The following NTRK3 variants were observed in gnomAD, a reference collection of about 807,000 sequenced individuals.
NTRK3 encodes neurotrophic receptor tyrosine kinase 3.
A neutral mutation model predicts 91.7 loss-of-function variants in NTRK3; 24 were observed. That is an observed-to-expected ratio of 0.26 (90% CI 0.19 to 0.37). NTRK3 has a LOEUF of 0.37. NTRK3 is among the 10% of genes least tolerant of loss of function. NTRK3 has a pLI of 1.00. For missense variants in NTRK3, 880 were observed against 1,068.9 expected (o/e 0.82, Z 2.46); for synonymous variants, 483 against 404.0 (o/e 1.20, Z -2.34).
rs1466954306 is a variant in NTRK3, at chr15:88,235,089, C to T, written c.248+20817G>A. On this transcript the variant is annotated intron_variant, in intron 3 of 18. Coordinates refer to ENST00000394480, the Ensembl canonical transcript of NTRK3. The surrounding 1 kb of genome is among the most constrained non-coding windows in gnomAD (Gnocchi z 5.2). ...CCTTACACAAAGGCAGCCTCCTCAC[C>T]TCCCCATCATGCCTCATAACAGAGC... 6.6e-6 allele frequency among the ~76,000 whole-genome samples: 1 copy of T among 152,204 alleles called. No individual in the cohort carries two copies. Among genetic ancestry groups the T allele is most frequent in the African/African-American group, 2.4e-5 (1 of 41,454 alleles).
At chr15:87,996,028 G>A (rs1389653606) in intron 14 of NTRK3, among the ~76,000 whole-genome samples, 1 of 152,112 alleles carries the variant, frequency 6.6e-6, no homozygotes, top group Non-Finnish European at 1.5e-5. Context: ...TGGATCACCT[G>A]AGGTCAGGAG....
At chr15:87,986,602 T>C (rs899171481) in intron 14 of NTRK3, among the ~76,000 whole-genome samples, 7 of 152,278 alleles carry the variant, frequency 4.6e-5, no homozygotes, top group African/African-American at 1.7e-4. Context: ...TCCATGTTGA[T>C]ACATGTAGCT....
In NTRK3 at chr15:87,883,329, T is replaced by A. The variant is rs149491440; in HGVS notation, c.2134-2901A>T. On this transcript the variant is annotated intron_variant, in intron 17 of 18. Transcript: ENST00000394480. ...ACCATTACGATGATGAAGTTTATGCTCCAATTAATATAGCAACAATATATA... is the reference window on the plus strand; with the variant it reads ...ACCATTACGATGATGAAGTTTATGCACCAATTAATATAGCAACAATATATA... Among the ~76,000 whole-genome samples the A allele has an allele frequency of 6.6e-3, 987 of 148,502 alleles. 18 individuals carry two copies. Among genetic ancestry groups the A allele is most frequent in the African/African-American group, 0.023 (960 of 41,016 alleles).
At chr15:87,970,259 G>GTC (rs1208141962) in intron 14 of NTRK3, among the ~76,000 whole-genome samples, 1 of 152,188 alleles carries the variant, frequency 6.6e-6, no homozygotes, top group Non-Finnish European at 1.5e-5. Flanking sequence ...TAATGCTGAG[G>GTC]TCTCAAGCTC....
At chr15:88,250,745 A>C (rs146109595) in intron 3 of NTRK3, among the ~76,000 whole-genome samples, 479 of 152,340 alleles carry the variant, frequency 3.1e-3, no homozygotes, top group African/African-American at 0.011. Context: ...TCCCAATCAC[A>C]AGAGCAGTGG....
chr15:87,966,191 C>T (rs1173295003), intron 14 of NTRK3, among the ~76,000 whole-genome samples: 1 of 152,254 alleles, frequency 6.6e-6, no homozygotes, highest in Non-Finnish European at 1.5e-5. Flanking sequence ...TAATTACTCA[C>T]TTATCTATAC....
rs35011403 is a variant in NTRK3, at chr15:87,886,676, C to CTATATATATATATATATA, written c.2134-6266_2134-6249dup. ...CCAAAGAGAAAAATCCCACTTTTTGCTATATATATATATATATATATATAC... is the reference window on the plus strand; with the variant it reads ...CCAAAGAGAAAAATCCCACTTTTTGCTATATATATATATATATATATATATATATATATATATATATAC... On this transcript the variant is annotated intron_variant, in intron 17 of 18. Coordinates refer to ENST00000394480, the Ensembl canonical transcript of NTRK3. Among the ~76,000 whole-genome samples, 464 of 101,074 alleles carry CTATATATATATATATATA rather than the reference C, an allele frequency of 4.6e-3. 12 individuals carry two copies. Among genetic ancestry groups the CTATATATATATATATATA allele is most frequent in the African/African-American group, 7.2e-3 (176 of 24,506 alleles). 66.3% of individuals were successfully genotyped at this position (101,074 alleles called of 152,430 possible).
chr15:87,878,906 GGTGTGTGTGTGTGTGTGT>G lies in NTRK3; in HGVS notation c.2292+1346_2292+1363del, dbSNP rs34029623. ...GGAGGCAGTGTTCAGGTGCATGCATGGTGTGTGTGTGTGTGTGTGTGTGTGTGTGTGTGTGTGTGTGTG... is the reference window on the plus strand; with the variant it reads ...GGAGGCAGTGTTCAGGTGCATGCATGGTGTGTGTGTGTGTGTGTGTGTGTG... On this transcript the variant is annotated intron_variant, in intron 18 of 18. Coordinates refer to ENST00000394480, the Ensembl canonical transcript of NTRK3. 5.9e-3 allele frequency among the ~76,000 whole-genome samples: 836 copies of G among 142,030 alleles called. 13 individuals carry two copies. Among genetic ancestry groups the G allele is most frequent in the East Asian group, 0.034 (157 of 4,684 alleles). 93.2% of individuals were successfully genotyped at this position (142,030 alleles called of 152,430 possible).
intron 10 of NTRK3, among the ~76,000 whole-genome samples, chr15:88,129,046 C>G (rs759220708): frequency 2.6e-5 from 4 of 152,210 alleles, no homozygotes; most frequent in Non-Finnish European, 4.4e-5. Context: ...CCCTCTGTCT[C>G]ATTCACAGCT....
intron 3 of NTRK3, among the ~76,000 whole-genome samples, chr15:88,212,289 G>A (rs2049323507): frequency 6.6e-6 from 1 of 152,196 alleles, no homozygotes; most frequent in Non-Finnish European, 1.5e-5. Context: ...AGAATGGAGT[G>A]AACCTGGGAG....
intron 14 of NTRK3, among the ~76,000 whole-genome samples, chr15:88,010,837 C>T (rs2141756337): frequency 6.6e-6 from 1 of 152,200 alleles, no homozygotes; most frequent in East Asian, 1.9e-4. Context: ...CTCACAGACA[C>T]ATCTCCGTGT....
intron 3 of NTRK3, among the ~76,000 whole-genome samples, chr15:88,190,310 C>T (rs2047286078): frequency 6.6e-6 from 1 of 152,106 alleles, no homozygotes; most frequent in African/African-American, 2.4e-5. Context: ...CTGGATGTTT[C>T]TTTTTTCCAC....
chr15:88,222,688 C>T (rs1231159663), intron 3 of NTRK3, among the ~76,000 whole-genome samples: 2 of 152,150 alleles, frequency 1.3e-5, no homozygotes, highest in African/African-American at 4.8e-5. Context: ...AAAACTGCCA[C>T]TTTCCTGGCA....
Position 88,172,380 on chromosome 15 carries a change from T to C in NTRK3, c.395+11038A>G, listed in dbSNP as rs187055810. 2.0e-5 allele frequency among the ~76,000 whole-genome samples: 3 copies of C among 152,116 alleles called. No individual in the cohort carries two copies. In the East Asian group the frequency reaches 5.8e-4, roughly 29 times the overall value. On this transcript the variant is annotated intron_variant, in intron 5 of 18. Transcript: ENST00000394480. ...AGAGATGTGAACAAATGGGAGGTAA[T>C]GAAGCCTTAGGGAAGAGGGGGAAAA...
At chr15:88,139,677 A>T (rs917877776) in intron 6 of NTRK3, among the ~76,000 whole-genome samples, 1 of 151,916 alleles carries the variant, frequency 6.6e-6, no homozygotes, top group Non-Finnish European at 1.5e-5. Flanking sequence ...GGAGATGGTC[A>T]GAACTGCAAG....
At chr15:87,911,633 C>A (rs191830738) in intron 17 of NTRK3, among the ~76,000 whole-genome samples, 3 of 152,314 alleles carry the variant, frequency 2.0e-5, no homozygotes, top group East Asian at 3.9e-4. Context: ...CATTGCAGAG[C>A]CCACTCATTG....
chr15:88,236,733 C>T (rs1263755529), intron 3 of NTRK3, among the ~76,000 whole-genome samples: 1 of 141,074 alleles, frequency 7.1e-6, no homozygotes, highest in African/African-American at 2.6e-5. Context: ...GCCCATGAAA[C>T]CAAAAACAAC....
At chr15:88,081,577 G>A (rs1315178358) in intron 13 of NTRK3, among the ~76,000 whole-genome samples, 2 of 152,192 alleles carry the variant, frequency 1.3e-5, no homozygotes, top group East Asian at 3.9e-4. Context: ...TCCTCTGTGT[G>A]CCTCCAACAC....
Position 88,207,156 on chromosome 15 carries a change from G to C in NTRK3, c.249-22857C>G, listed in dbSNP as rs1431039538. On this transcript the variant is annotated intron_variant, in intron 3 of 18. Coordinates refer to ENST00000394480, the Ensembl canonical transcript of NTRK3. Reference sequence around the variant, plus strand: ...TCGGGCCAGGAGCTCAATGGTATTTGTCAGGTTGCTTGACCCTAACAGGCT... The same window carrying C: ...TCGGGCCAGGAGCTCAATGGTATTTCTCAGGTTGCTTGACCCTAACAGGCT... Among the ~76,000 whole-genome samples the C allele has an allele frequency of 2.0e-5, 3 of 152,314 alleles. No individual in the cohort carries two copies. The East Asian group carries it at 5.8e-4, about 29-fold the overall frequency.
Sources: allele counts gnomAD v4.1 joint callset (sites outside exome capture counted in the v4.1 genomes callset), GRCh38; gene constraint gnomAD v4.1.1; non-coding constraint Gnocchi (gnomAD v3.1); transcripts MANE v1.5; gene names NCBI Gene and HGNC (gene_info 2026-07-23, HGNC 2026-07-21).